The following PCYT1B variants were observed in gnomAD, a reference collection of about 807,000 sequenced individuals.
The protein encoded by PCYT1B is choline-phosphate cytidylyltransferase B.
A neutral mutation model predicts 26.4 loss-of-function variants in PCYT1B; 10 were observed. That is an observed-to-expected ratio of 0.38 (90% CI 0.23 to 0.64). The LOEUF is 0.64. Ranked by LOEUF, PCYT1B falls within the 30% of genes least tolerant of loss-of-function variation. The probability of loss-of-function intolerance (pLI) is 0.56; values close to 1 mark genes in which losing one functional copy is unlikely to be tolerated. For synonymous variants in PCYT1B, 131 were observed against 108.4 expected, an observed-to-expected ratio of 1.21 and a Z score of -1.29; for missense variants, 161 against 292.7, an observed-to-expected ratio of 0.55 and a Z score of 3.28.
chrX:24,613,406 ATACTAT>A (rs1230370093), intron 2 of PCYT1B, among the ~76,000 whole-genome samples: 1 of 112,131 alleles, frequency 8.9e-6, no homozygotes, highest in Admixed American at 9.5e-5. Context: ...CTAGCTAATG[ATACTAT>A]TTTCTGTAAA....
At chrX:24,624,763 T>C (rs1332279180) in intron 1 of PCYT1B, among the ~76,000 whole-genome samples, 1 of 112,347 alleles carries the variant, frequency 8.9e-6, no homozygotes, top group Non-Finnish European at 1.9e-5. Flanking sequence ...GAGCTGTCTG[T>C]GTGAGGTTCT....
At chrX:24,598,544 G>A (rs1445764332) in intron 3 of PCYT1B, among the ~76,000 whole-genome samples, 3 of 110,074 alleles carry the variant, frequency 2.7e-5, no homozygotes, top group Non-Finnish European at 3.8e-5. Flanking sequence ...TTTAGAGAAG[G>A]AATAACATGC....
intron 1 of PCYT1B, among the ~76,000 whole-genome samples, chrX:24,622,416 T>A (rs1415690199): frequency 8.9e-6 from 1 of 112,058 alleles, no homozygotes; most frequent in Non-Finnish European, 1.9e-5. Flanking sequence ...TTAGGTTCTG[T>A]CTCTTCCATA....
In PCYT1B at chrX:24,566,816, GATGATGGCTGATTGC is replaced by G. The variant is rs1414317487; in HGVS notation, c.898-4326_898-4312del. On this transcript the variant is annotated intron_variant, in intron 7 of 7. Transcript: ENST00000379144. ...GTTTCCTCTAGCAGATATAATAACAGATGATGGCTGATTGCTCAGGTCTTTTCCAGATTTAAAATT... is the reference window on the plus strand; with the variant it reads ...GTTTCCTCTAGCAGATATAATAACAGTCAGGTCTTTTCCAGATTTAAAATT... 6.3e-5 allele frequency among the ~76,000 whole-genome samples: 7 copies of G among 111,590 alleles called. No individual in the cohort carries two copies. The East Asian group carries it at 2.0e-3, about 31-fold the overall frequency.
chrX:24,623,398 T>TATATATATATAA (rs1375541474), intron 1 of PCYT1B, among the ~76,000 whole-genome samples: 3 of 89,243 alleles, frequency 3.4e-5, no homozygotes, highest in South Asian at 5.6e-4. Context: ...TATATATATA[T>TATATATATATAA]AACTTTAAAT....
At chrX:24,624,078 T>G (rs1291645867) in intron 1 of PCYT1B, among the ~76,000 whole-genome samples, 1 of 106,975 alleles carries the variant, frequency 9.3e-6, no homozygotes, top group Admixed American at 1.0e-4. Context: ...CATGCCATTC[T>G]CCTGCCTCAG....
At position 24,632,554 on chromosome X, in the gene PCYT1B, G is replaced by A. The variant is rs181402266; in HGVS notation, c.118-13470C>T. On this transcript the variant is annotated intron_variant, in intron 1 of 7. Transcript: ENST00000379144. ...GCCTAGGGAGATGGCCAATCACACTGTGTCTCACAACACCAAGGCCCTCAC... is the reference window on the plus strand; with the variant it reads ...GCCTAGGGAGATGGCCAATCACACTATGTCTCACAACACCAAGGCCCTCAC... The A allele has an allele frequency of 7.7e-4, 99 of 128,982 alleles. 1 individual carries two copies. Among genetic ancestry groups the A allele is most frequent in the Non-Finnish European group, 1.5e-3 (86 of 57,426 alleles). The allele number at this position is 128,982 out of a possible 1,213,427, so 10.6% of individuals were successfully genotyped here.
At chrX:24,656,229 CG>C (rs34445837) in intron 1 of PCYT1B, among the ~76,000 whole-genome samples, 12 of 43,957 alleles carry the variant, frequency 2.7e-4, no homozygotes, top group Admixed American at 3.6e-4. Context: ...CAGGGGGTCG[CG>C]GGGGGGGGTG....
chrX:24,614,631 G>A (rs1312415458), intron 2 of PCYT1B, among the ~76,000 whole-genome samples: 1 of 112,351 alleles, frequency 8.9e-6, no homozygotes, highest in Non-Finnish European at 1.9e-5. Context: ...GCACGCTCAA[G>A]ACAGTGCCAC....
chrX:24,579,567 C>T (rs1463289088), intron 5 of PCYT1B, 109 bp from the exon 6 acceptor site: 4 of 681,864 alleles, frequency 5.9e-6, no homozygotes, highest in African/African-American at 2.2e-5. Flanking sequence ...CCTGGGTATG[C>T]CAATGAAGAC....
At chrX:24,601,705 T>C (rs975116056) in intron 3 of PCYT1B, among the ~76,000 whole-genome samples, 7 of 111,657 alleles carry the variant, frequency 6.3e-5, no homozygotes, top group African/African-American at 2.3e-4. Flanking sequence ...AAATGTTCAA[T>C]ATCATATGTC....
At chrX:24,598,132 A>C (rs1924843868) in intron 3 of PCYT1B, among the ~76,000 whole-genome samples, 1 of 112,156 alleles carries the variant, frequency 8.9e-6, no homozygotes, top group Non-Finnish European at 1.9e-5. Context: ...GATACATTGG[A>C]ATAGACACAT....
chrX:24,581,348 G>C (rs61761925), intron 5 of PCYT1B, among the ~76,000 whole-genome samples: 1 of 111,478 alleles, frequency 9.0e-6, no homozygotes, highest in East Asian at 2.9e-4. Context: ...TGCAGGGGGG[G>C]ACTGCTGTTG....
At chrX:24,623,159 A>C (rs1372014269) in intron 1 of PCYT1B, among the ~76,000 whole-genome samples, 2 of 110,321 alleles carry the variant, frequency 1.8e-5, no homozygotes, top group Non-Finnish European at 3.8e-5. Flanking sequence ...CCGTTTTAGA[A>C]TGGGAGAAGG....
At chrX:24,574,408 T>C (rs1434715223) in intron 7 of PCYT1B, among the ~76,000 whole-genome samples, 1 of 111,490 alleles carries the variant, frequency 9.0e-6, no homozygotes, top group African/African-American at 3.3e-5. Context: ...CAGAATTTTC[T>C]TTTCCCTTTC....
At chrX:24,604,006 C>A (rs998591572) in intron 3 of PCYT1B, among the ~76,000 whole-genome samples, 1 of 111,329 alleles carries the variant, frequency 9.0e-6, no homozygotes, top group Non-Finnish European at 1.9e-5. Context: ...TCTGCCTATA[C>A]ACAGGAGGTT....
chrX:24,664,705 C>T (rs964871624), intron 1 of PCYT1B, among the ~76,000 whole-genome samples: 6 of 112,253 alleles, frequency 5.3e-5, no homozygotes, highest in Non-Finnish European at 1.1e-4. Flanking sequence ...CGCCTGTAAT[C>T]CCAGCACTTT....
chrX:24,641,907 T>C (rs184107484), intron 1 of PCYT1B, among the ~76,000 whole-genome samples: 188 of 112,199 alleles, frequency 1.7e-3, no homozygotes, highest in African/African-American at 5.9e-3. Context: ...CACTCAAAAA[T>C]GGATTGATCC....
intron 1 of PCYT1B, among the ~76,000 whole-genome samples, chrX:24,628,778 C>T (rs1925956831): frequency 9.0e-6 from 1 of 111,580 alleles, no homozygotes; most frequent in African/African-American, 3.2e-5. Context: ...AAATACTTCT[C>T]CATCATTGAA....
Sources: gnomAD v4.1 joint callset for allele counts (sites outside exome capture counted in the v4.1 genomes callset) on GRCh38, gnomAD v4.1.1 for gene constraint, MANE v1.5 for transcripts, NCBI Gene and HGNC (gene_info 2026-07-23, HGNC 2026-07-21) for gene names.